EDA: variants seen among roughly 807,000 people sequenced by gnomAD.
EDA encodes the protein ectodysplasin A.
EDA carries 2 observed loss-of-function variants against 23.6 expected under a neutral mutation model. That is an observed-to-expected ratio of 0.08 (90% CI 0.03 to 0.27). EDA has a LOEUF of 0.27. EDA is among the 10% of genes least tolerant of loss of function. EDA has a pLI of 1.00. For synonymous variants in EDA, 131 were observed against 132.0 expected, an observed-to-expected ratio of 0.99 and a Z score of 0.05; for missense variants, 229 against 324.2, an observed-to-expected ratio of 0.71 and a Z score of 2.26.
intron 1 of EDA, among the ~76,000 whole-genome samples, chrX:69,667,548 G>A (rs184762276): frequency 4.9e-4 from 54 of 110,749 alleles, no homozygotes; most frequent in African/African-American, 1.6e-3. Context: ...CCAACTCTTA[G>A]TTTTATTGAT....
At chrX:69,882,921 C>T (rs1287073761) in intron 1 of EDA, among the ~76,000 whole-genome samples, 3 of 111,505 alleles carry the variant, frequency 2.7e-5, no homozygotes, top group Non-Finnish European at 5.7e-5. Flanking sequence ...AGGCTGGTCT[C>T]GAACTCCCAA....
At chrX:69,964,983 G>A (rs1168981770) in intron 2 of EDA, among the ~76,000 whole-genome samples, 1 of 111,723 alleles carries the variant, frequency 9.0e-6, no homozygotes, top group Non-Finnish European at 1.9e-5. Context: ...AGACACTAAG[G>A]GCACAGTAGT....
intron 1 of EDA, among the ~76,000 whole-genome samples, chrX:69,627,819 T>G (rs997718696): frequency 1.8e-5 from 2 of 111,466 alleles, no homozygotes; most frequent in Admixed American, 1.9e-4. Context: ...TCATAAACTC[T>G]GGGGAGAGAG....
intron 1 of EDA, among the ~76,000 whole-genome samples, chrX:69,768,953 G>C (rs1019782648): frequency 6.3e-5 from 7 of 111,842 alleles, no homozygotes; most frequent in African/African-American, 1.9e-4. Flanking sequence ...GGATTAGTTA[G>C]AAGTGCAATA....
chrX:69,724,186 G>A (rs972851339), intron 1 of EDA, among the ~76,000 whole-genome samples: 1 of 111,384 alleles, frequency 9.0e-6, no homozygotes, highest in Non-Finnish European at 1.9e-5. Flanking sequence ...CTTGTAAAGT[G>A]TTATTGAGTC....
intron 1 of EDA, among the ~76,000 whole-genome samples, chrX:69,823,062 T>C (rs2147520751): frequency 1.0e-5 from 1 of 97,949 alleles, no homozygotes; most frequent in Non-Finnish European, 2.0e-5. Flanking sequence ...TTCCATGGTG[T>C]ATATGTGCCA....
intron 1 of EDA, among the ~76,000 whole-genome samples, chrX:69,831,834 G>A (rs2016617200): frequency 8.9e-6 from 1 of 112,472 alleles, no homozygotes; most frequent in South Asian, 3.6e-4. Context: ...CTGCATAGAT[G>A]TCCTCTTTTG....
rs550486121 is a variant in EDA, at chrX:69,853,815, T to C, written c.397-103212T>C. 3.9e-4 allele frequency among the ~76,000 whole-genome samples: 44 copies of C among 111,578 alleles called. No homozygotes were observed. In the South Asian group the frequency reaches 0.016, roughly 42 times the overall value. On this transcript the variant is annotated intron_variant, in intron 1 of 7. Coordinates refer to ENST00000374552, the MANE Select transcript of EDA (RefSeq NM_001399.5). ...TAATTATTTTAGGCTTTGCGGGCCATGTACAGTCTTTGTTGCATACTCCTC... is the reference window on the plus strand; with the variant it reads ...TAATTATTTTAGGCTTTGCGGGCCACGTACAGTCTTTGTTGCATACTCCTC...
chrX:69,822,548 C>G (rs1403336145), intron 1 of EDA, among the ~76,000 whole-genome samples: 4 of 111,330 alleles, frequency 3.6e-5, no homozygotes, highest in African/African-American at 6.5e-5. Context: ...CAAAAAGCCA[C>G]TTTCAGATCA....
chrX:70,000,713 A>G (rs995336032), intron 2 of EDA, among the ~76,000 whole-genome samples: 2 of 112,412 alleles, frequency 1.8e-5, no homozygotes, highest in Admixed American at 9.4e-5. Flanking sequence ...GTTATCTTGT[A>G]TAAACCTCAT....
chrX:70,027,726 G>T, intron 3 of EDA, 131 bp from the exon 4 acceptor site: 1 of 466,432 alleles, frequency 2.1e-6, no homozygotes, highest in Non-Finnish European at 3.9e-6. Flanking sequence ...CAGAGGCTGA[G>T]GCAGGAGAAT....
intron 1 of EDA, among the ~76,000 whole-genome samples, chrX:69,891,362 G>T (rs891757578): frequency 9.8e-5 from 11 of 111,714 alleles, no homozygotes; most frequent in African/African-American, 3.6e-4. Flanking sequence ...ATACCATTCT[G>T]CCCAGCAATC....
At chrX:69,678,481 A>G (rs1160600494) in intron 1 of EDA, among the ~76,000 whole-genome samples, 2 of 111,347 alleles carry the variant, frequency 1.8e-5, no homozygotes, top group African/African-American at 6.5e-5. Context: ...ATTTGTTTGT[A>G]TCCTCTTTTA....
At chrX:69,951,336 C>G (rs1436187159) in intron 1 of EDA, among the ~76,000 whole-genome samples, 1 of 111,176 alleles carries the variant, frequency 9.0e-6, no homozygotes, top group Admixed American at 9.6e-5. Flanking sequence ...ATAATCAAAC[C>G]TGTTGGCACC....
chrX:70,035,180 C>T (rs986203939), intron 7 of EDA, among the ~76,000 whole-genome samples, 178 bp from the exon 8 acceptor site: 6 of 112,018 alleles, frequency 5.4e-5, no homozygotes, highest in Non-Finnish European at 1.1e-4. Context: ...AGGGGAAGAA[C>T]AATGCCTGTC....
chrX:69,650,112 T>C (rs750912801), intron 1 of EDA, among the ~76,000 whole-genome samples: 9 of 112,024 alleles, frequency 8.0e-5, no homozygotes, highest in Non-Finnish European at 1.7e-4. Context: ...TACTACTTAC[T>C]GTGTGACTTT....
intron 2 of EDA, among the ~76,000 whole-genome samples, chrX:70,012,360 T>C (rs964177340): frequency 3.6e-5 from 4 of 112,175 alleles, no homozygotes; most frequent in Non-Finnish European, 7.5e-5. Flanking sequence ...GTCAAGATGC[T>C]CGCGTCTAGT....
chrX:69,916,587 A>G (rs2018350139), intron 1 of EDA, among the ~76,000 whole-genome samples: 1 of 108,306 alleles, frequency 9.2e-6, no homozygotes. Flanking sequence ...GTATGTTTTT[A>G]GTAGAGACAG....
intron 1 of EDA, among the ~76,000 whole-genome samples, chrX:69,705,601 A>G (rs1296127021): frequency 1.8e-5 from 2 of 112,297 alleles, no homozygotes; most frequent in African/African-American, 3.2e-5. Context: ...TAGGCTGCTC[A>G]TTATATTTGT....
Sources: gnomAD v4.1 joint callset for allele counts (sites outside exome capture counted in the v4.1 genomes callset) on GRCh38, gnomAD v4.1.1 for gene constraint, MANE v1.5 for transcripts, NCBI Gene and HGNC (gene_info 2026-07-23, HGNC 2026-07-21) for gene names.